Variants in SYT14 observed in about 807,000 individuals in gnomAD.
SYT14 encodes the protein synaptotagmin 14, also known as synaptotagmin-14.
In SYT14, 32 loss-of-function variants were observed where a neutral mutation model predicts 74.2. The ratio of observed to expected loss-of-function variants is 0.43; its 90% CI spans 0.33 to 0.58. The LOEUF (loss-of-function observed/expected upper bound fraction) is 0.58. SYT14 is among the 20% of genes least tolerant of loss of function. SYT14 has a pLI of 0.05. For synonymous variants in SYT14, 298 were observed against 337.7 expected, an observed-to-expected ratio of 0.88 and a Z score of 1.29; for missense variants, 791 against 981.8, an observed-to-expected ratio of 0.81 and a Z score of 2.60.
intron 2 of SYT14, among the ~76,000 whole-genome samples, chr1:210,008,536 G>A (rs186092316): frequency 1.3e-5 from 2 of 152,028 alleles, no homozygotes; most frequent in African/African-American, 4.8e-5. Flanking sequence ...GCTAATTTTT[G>A]TAATTTTAGT....
At chr1:210,085,892 G>A (rs2081718884) in intron 5 of SYT14, among the ~76,000 whole-genome samples, 1 of 151,902 alleles carries the variant, frequency 6.6e-6, no homozygotes, top group Non-Finnish European at 1.5e-5. Flanking sequence ...AGGTTATTAT[G>A]GCCTCATAAA....
intron 4 of SYT14, chr1:210,017,184 C>A: frequency 1.0e-6 from 1 of 964,882 alleles, no homozygotes; most frequent in Non-Finnish European, 1.3e-6. Context: ...AATTTCTCAG[C>A]TTTCCTGTTC....
intron 5 of SYT14, among the ~76,000 whole-genome samples, chr1:210,089,862 A>G (rs1056626965): frequency 1.3e-5 from 2 of 152,268 alleles, no homozygotes; most frequent in Non-Finnish European, 2.9e-5. Flanking sequence ...AGATTTAAGC[A>G]TAGTGAAACG....
At chr1:210,162,665 C>G (rs1357893504) in exon 10 of SYT14, 1 of 445,450 alleles carries the variant, frequency 2.2e-6, no homozygotes, top group African/African-American at 2.0e-5. Flanking sequence ...TAAACTAGAA[C>G]TTGTTATTAC....
intron 7 of SYT14, among the ~76,000 whole-genome samples, chr1:210,113,117 C>T (rs1558197406): frequency 6.6e-6 from 1 of 151,364 alleles, no homozygotes; most frequent in Non-Finnish European, 1.5e-5. Flanking sequence ...AAAAAGGCTA[C>T]AGGGCGTGGT....
At chr1:210,024,705 A>G (rs1467255853) in intron 5 of SYT14, among the ~76,000 whole-genome samples, 3 of 152,210 alleles carry the variant, frequency 2.0e-5, no homozygotes, top group Non-Finnish European at 4.4e-5. Flanking sequence ...GCATGAATTA[A>G]ATTGATGAAG....
intron 7 of SYT14, among the ~76,000 whole-genome samples, chr1:210,140,865 C>T (rs1213697993): frequency 1.3e-5 from 2 of 151,962 alleles, no homozygotes; most frequent in East Asian, 3.8e-4. Context: ...ATTTGTCTAT[C>T]CTTCTGCCAG....
chr1:210,095,345 A>C (rs2081950343), intron 6 of SYT14, among the ~76,000 whole-genome samples: 1 of 152,186 alleles, frequency 6.6e-6, no homozygotes, highest in Admixed American at 6.6e-5. Flanking sequence ...GCACAGTCAC[A>C]GCTCACTGCA....
At chr1:210,109,115 C>A (rs900541314) in intron 7 of SYT14, among the ~76,000 whole-genome samples, 5 of 152,014 alleles carry the variant, frequency 3.3e-5, no homozygotes, top group Admixed American at 6.6e-5. Flanking sequence ...AAGAAAAAAA[C>A]AACTCCATCA....
Position 210,053,997 on chromosome 1 carries a change from C to G in SYT14, c.1312+32743C>G, listed in dbSNP as rs185282359. Among the ~76,000 whole-genome samples the G allele has an allele frequency of 1.9e-3, 294 of 152,208 alleles. 2 individuals are homozygous for G. The highest frequency in any genetic ancestry group is 6.9e-3 in the African/African-American group (288 of 41,550). ...AATGGTTTGGCCAGGTATAGAATGT[C>G]AGTTTGGAAATCATTTTCCTATAGA... On this transcript the variant is annotated intron_variant, in intron 5 of 9. Coordinates refer to ENST00000637265, the Ensembl canonical transcript of SYT14.
intron 7 of SYT14, among the ~76,000 whole-genome samples, chr1:210,123,045 C>T (rs2082499110): frequency 6.6e-6 from 1 of 152,144 alleles, no homozygotes; most frequent in African/African-American, 2.4e-5. Flanking sequence ...ATGTGAAATA[C>T]TTAAATATCT....
chr1:210,100,488 T>G (rs756422418), intron 7 of SYT14, 27 bp downstream of exon 6: 13 of 1,580,090 alleles, frequency 8.2e-6, no homozygotes, highest in South Asian at 1.1e-5. Context: ...ATGGCCTGAA[T>G]ACAGTTTATG....
intron 7 of SYT14, among the ~76,000 whole-genome samples, chr1:210,113,099 G>A (rs2082295794): frequency 6.6e-6 from 1 of 151,402 alleles, no homozygotes; most frequent in Admixed American, 6.6e-5. Context: ...AGGTCAAGTT[G>A]TTTGGACAAA....
chr1:209,982,409 G>A (rs1014536712), intron 2 of SYT14, among the ~76,000 whole-genome samples: 2 of 152,198 alleles, frequency 1.3e-5, no homozygotes, highest in African/African-American at 4.8e-5. Flanking sequence ...ACCTGCCTCA[G>A]CCTCCCAAGA....
intron 2 of SYT14, among the ~76,000 whole-genome samples, chr1:209,989,432 A>G (rs115475320): frequency 1.3e-3 from 197 of 152,330 alleles, no homozygotes; most frequent in African/African-American, 4.1e-3. Flanking sequence ...AACAAAATTT[A>G]TTAAGGTAGA....
chr1:209,985,502 A>C (rs1279867116), intron 2 of SYT14, among the ~76,000 whole-genome samples: 2 of 152,114 alleles, frequency 1.3e-5, no homozygotes, highest in Non-Finnish European at 2.9e-5. Flanking sequence ...TCCAGGATGG[A>C]GTTGAGTGCT....
chr1:209,976,060 C>T (rs1439830147), intron 2 of SYT14, among the ~76,000 whole-genome samples: 1 of 152,104 alleles, frequency 6.6e-6, no homozygotes, highest in Admixed American at 6.6e-5. Flanking sequence ...TCCCCTTTAT[C>T]ATTTTTTATT....
chr1:210,084,618 CTT>C, intron 5 of SYT14, among the ~76,000 whole-genome samples: 1 of 152,320 alleles, frequency 6.6e-6, no homozygotes, highest in East Asian at 1.9e-4. Flanking sequence ...AACAAGAATT[CTT>C]TGTTTCCTTA....
Position 210,058,753 on chromosome 1 carries a change from G to C in SYT14, c.1313-35569G>C, listed in dbSNP as rs140861108. On this transcript the variant is annotated intron_variant, in intron 5 of 9. Coordinates refer to ENST00000637265, the Ensembl canonical transcript of SYT14. ...GCATGCAAACAGTAAGGCAGTCTCA[G>C]CAATTTCTGCTATTCCTGTTCCTTA... Among the ~76,000 whole-genome samples, 372 of 152,292 alleles carry C rather than the reference G, an allele frequency of 2.4e-3. 1 individual carries two copies. Among genetic ancestry groups the C allele is most frequent in the African/African-American group, 5.4e-3 (226 of 41,554 alleles).
Sources: allele counts gnomAD v4.1 joint callset (sites outside exome capture counted in the v4.1 genomes callset), GRCh38; gene constraint gnomAD v4.1.1; transcripts MANE v1.5; gene names NCBI Gene and HGNC (gene_info 2026-07-23, HGNC 2026-07-21).